The following XYLB variants were observed in gnomAD, a reference collection of about 807,000 sequenced individuals.
The protein encoded by XYLB is xylulokinase, also known as xylulose kinase.
In XYLB, 62 loss-of-function variants were observed where a neutral mutation model predicts 78.7. The ratio of observed to expected loss-of-function variants is 0.79; its 90% CI spans 0.64 to 0.97. The LOEUF is 0.97. Ranked by LOEUF, XYLB falls within the 50% of genes least tolerant of loss-of-function variation. The pLI, the probability that XYLB is intolerant of heterozygous loss-of-function variation, is 0.00. For synonymous variants in XYLB, 245 were observed against 247.4 expected (o/e 0.99, Z 0.09); for missense variants, 687 against 676.8 (o/e 1.02, Z -0.17).
the XYLB span, among the ~76,000 whole-genome samples, chr3:38,435,418 A>C: frequency 6.6e-6 from 1 of 152,296 alleles, no homozygotes; most frequent in East Asian, 1.9e-4. Flanking sequence ...ATATGCACCC[A>C]ACATTGGAGC....
chr3:38,368,428 A>G lies in XYLB; in HGVS notation c.646+171A>G, dbSNP rs372048496. 4.6e-5 allele frequency among the ~76,000 whole-genome samples: 7 copies of G among 152,166 alleles called. No homozygotes were observed. The East Asian group carries it at 1.2e-3, about 25-fold the overall frequency. ...TTTTACCACATAACAAATGACCCCA[A>G]CACTTAGCAGCTGAAGACCACCGTG... On this transcript the variant is annotated intron_variant, in intron 8 of 18. Coordinates refer to ENST00000207870, the MANE Select transcript of XYLB (RefSeq NM_005108.4).
At chr3:38,407,046 C>G (rs1312781437) in intron 18 of XYLB, among the ~76,000 whole-genome samples, 2 of 146,920 alleles carry the variant, frequency 1.4e-5, no homozygotes, top group Non-Finnish European at 3.0e-5. Context: ...CACAAAGATA[C>G]TCCTCGAGAA....
At chr3:38,400,575 C>A (rs1003287151) in intron 17 of XYLB, among the ~76,000 whole-genome samples, 1 of 152,076 alleles carries the variant, frequency 6.6e-6, no homozygotes, top group Non-Finnish European at 1.5e-5. Flanking sequence ...CATCATATGT[C>A]GAGGTTACCC....
chr3:38,412,066 C>T (rs1303184870), intron 18 of XYLB, among the ~76,000 whole-genome samples: 9 of 151,254 alleles, frequency 6.0e-5, no homozygotes, highest in Non-Finnish European at 1.2e-4. Flanking sequence ...TCTTGGCTCA[C>T]TGCAACCCCC....
At chr3:38,380,087 C>T (rs1233241194) in intron 15 of XYLB, among the ~76,000 whole-genome samples, 1 of 152,070 alleles carries the variant, frequency 6.6e-6, no homozygotes, top group Non-Finnish European at 1.5e-5. Context: ...CACGATAACC[C>T]GTTAATCCAT....
chr3:38,355,687 A>C (rs1350057664), intron 2 of XYLB: 5 of 702,814 alleles, frequency 7.1e-6, no homozygotes, highest in Non-Finnish European at 1.3e-5. Flanking sequence ...GACCTAGTCC[A>C]TCAAAACCTC....
In XYLB at chr3:38,358,348, TGTGTGTGTG is replaced by T. The variant is rs1476297327; in HGVS notation, c.141-1990_141-1982del. On this transcript the variant is annotated intron_variant, in intron 2 of 18. Transcript: ENST00000207870. ...GTGTGTGTGTGTGTGTGTGTGTGTG[TGTGTGTGTG>T]TTTGAGACAGAGCCTTGCTCTGTTG... is the stretch of plus-strand genomic sequence containing the variant. Among the ~76,000 whole-genome samples the T allele has an allele frequency of 2.8e-3, 264 of 94,848 alleles. 2 individuals carry two copies. The highest frequency in any genetic ancestry group is 3.8e-3 in the African/African-American group (104 of 27,620). The allele number at this position is 94,848 out of a possible 152,430, so 62.2% of individuals were successfully genotyped here. A position where few individuals can be genotyped will look rare whatever the true frequency, so the allele number is the denominator to read the frequency against.
At chr3:38,353,763 T>G (rs1368303096) in intron 2 of XYLB, among the ~76,000 whole-genome samples, 1 of 151,778 alleles carries the variant, frequency 6.6e-6, no homozygotes, top group African/African-American at 2.4e-5. Context: ...GGTGGGTGCC[T>G]GTAGTCTCAG....
intron 8 of XYLB, 49 bp downstream of exon 8, chr3:38,368,306 T>C (rs1471112409): frequency 4.5e-6 from 7 of 1,573,012 alleles, no homozygotes; most frequent in Non-Finnish European, 6.1e-6. Flanking sequence ...GCATGTGGCA[T>C]GTGGGTGTGC....
intron 18 of XYLB, among the ~76,000 whole-genome samples, chr3:38,408,264 C>A (rs1253126042): frequency 6.6e-6 from 1 of 152,108 alleles, no homozygotes; most frequent in African/African-American, 2.4e-5. Flanking sequence ...GGAAACTGAA[C>A]AACCTGCTCC....
intron 16 of XYLB, among the ~76,000 whole-genome samples, chr3:38,396,691 G>C (rs2067082): frequency 0.44 from 66,907 of 152,096 alleles, 16,574 homozygotes; most frequent in Non-Finnish European, 0.57. Flanking sequence ...TCACCATTAT[G>C]CCCATGAAAC....
At chr3:38,437,831 G>A in the XYLB span, among the ~76,000 whole-genome samples, 575 of 152,194 alleles carry the variant, frequency 3.8e-3, 2 homozygotes, top group African/African-American at 0.013. Context: ...TAGCACTTTC[G>A]GAGGCTAAGG....
chr3:38,442,013 C>G, the XYLB span, among the ~76,000 whole-genome samples: 4 of 152,208 alleles, frequency 2.6e-5, no homozygotes, highest in African/African-American at 4.8e-5. Context: ...TATTTGCCCT[C>G]TGGGTCTCCG....
At chr3:38,447,822 TAAAAG>T in the XYLB span, among the ~76,000 whole-genome samples, 7 of 152,150 alleles carry the variant, frequency 4.6e-5, no homozygotes, top group African/African-American at 1.2e-4. Context: ...GCACTATTCT[TAAAAG>T]AGAAGATATA....
downstream of XYLB, among the ~76,000 whole-genome samples, chr3:38,416,839 C>T (rs1391975949): frequency 6.6e-6 from 1 of 152,200 alleles, no homozygotes; most frequent in Non-Finnish European, 1.5e-5. Context: ...TCTTTGGCTC[C>T]TGCCTATCCC....
intron 15 of XYLB, among the ~76,000 whole-genome samples, chr3:38,379,676 A>G (rs949271178): frequency 4.6e-5 from 7 of 152,204 alleles, no homozygotes; most frequent in African/African-American, 1.7e-4. Context: ...GACTGCAAAG[A>G]CATAGGCAGT....
At chr3:38,376,812 G>A in intron 13 of XYLB, 106 bp from the exon 14 acceptor site, 1 of 757,364 alleles carries the variant, frequency 1.3e-6, no homozygotes, top group South Asian at 2.0e-5. Flanking sequence ...AAAGAGCCAG[G>A]GGACCCAGGG....
intron 3 of XYLB, among the ~76,000 whole-genome samples, chr3:38,361,484 G>A (rs1414500004): frequency 6.6e-6 from 1 of 152,026 alleles, no homozygotes; most frequent in African/African-American, 2.4e-5. Flanking sequence ...GAGAATTGGG[G>A]TAAAGGATGG....
At chr3:38,385,567 T>C (rs2125625784) in intron 15 of XYLB, among the ~76,000 whole-genome samples, 1 of 152,354 alleles carries the variant, frequency 6.6e-6, no homozygotes, top group Middle Eastern at 3.4e-3. Flanking sequence ...TGCTACATGT[T>C]AACTTTATTT....
Sources: gnomAD v4.1 joint callset for allele counts (sites outside exome capture counted in the v4.1 genomes callset) on GRCh38, gnomAD v4.1.1 for gene constraint, MANE v1.5 for transcripts, NCBI Gene and HGNC (gene_info 2026-07-23, HGNC 2026-07-21) for gene names.